The following BCKDHB variants were observed in gnomAD, a reference collection of about 807,000 sequenced individuals.
BCKDHB encodes the protein 2-oxoisovalerate dehydrogenase subunit beta, mitochondrial.
A neutral mutation model predicts 48.5 loss-of-function variants in BCKDHB; 41 were observed. That is an observed-to-expected ratio of 0.85 (90% CI 0.66 to 1.10). BCKDHB has a LOEUF of 1.10. BCKDHB is among the 50% of genes least tolerant of loss of function. BCKDHB has a pLI of 0.00. For synonymous variants in BCKDHB, 201 were observed against 174.8 expected (o/e 1.15, Z -1.18); for missense variants, 496 against 494.2 (o/e 1.00, Z -0.03).
the BCKDHB span, among the ~76,000 whole-genome samples, chr6:80,439,888 G>A: frequency 6.6e-6 from 1 of 152,034 alleles, no homozygotes; most frequent in East Asian, 1.9e-4. Context: ...TTAACTAAAG[G>A]CATACAACAA....
intron 3 of BCKDHB, among the ~76,000 whole-genome samples, chr6:80,164,329 C>G (rs1772468680): frequency 6.6e-6 from 1 of 152,108 alleles, no homozygotes; most frequent in South Asian, 2.1e-4. Context: ...GGTTTTTGTA[C>G]TTGATGGTCG....
intron 8 of BCKDHB, among the ~76,000 whole-genome samples, chr6:80,227,156 A>G (rs2127876385): frequency 6.6e-6 from 1 of 152,338 alleles, no homozygotes; most frequent in South Asian, 2.1e-4. Context: ...CATGCATTTA[A>G]CATGTATTAC....
intron 1 of BCKDHB, among the ~76,000 whole-genome samples, chr6:80,111,277 C>T (rs902199658): frequency 6.6e-6 from 1 of 152,142 alleles, no homozygotes; most frequent in African/African-American, 2.4e-5. Flanking sequence ...CCTGGGGGCT[C>T]CTCAGTAGTA....
At chr6:80,328,721 G>A (rs911605180) in intron 9 of BCKDHB, among the ~76,000 whole-genome samples, 1 of 152,092 alleles carries the variant, frequency 6.6e-6, no homozygotes, top group African/African-American at 2.4e-5. Context: ...ATTACCCCAA[G>A]TTGCTAGGTA....
chr6:80,120,864 T>A (rs866228350), intron 1 of BCKDHB, among the ~76,000 whole-genome samples: 2 of 152,238 alleles, frequency 1.3e-5, no homozygotes, highest in African/African-American at 4.8e-5. Flanking sequence ...CTCTTTAGTT[T>A]AATTAGATCC....
intron 8 of BCKDHB, among the ~76,000 whole-genome samples, chr6:80,252,563 G>A (rs1776877930): frequency 6.6e-6 from 1 of 152,108 alleles, no homozygotes; most frequent in Non-Finnish European, 1.5e-5. Context: ...GAAAAACTTA[G>A]ATTATGTTTA....
the BCKDHB span, among the ~76,000 whole-genome samples, chr6:80,441,959 C>A: frequency 6.6e-6 from 1 of 151,934 alleles, no homozygotes; most frequent in East Asian, 1.9e-4. Flanking sequence ...ATACAAAGAA[C>A]AAATATAGCG....
the BCKDHB span, among the ~76,000 whole-genome samples, chr6:80,354,995 G>C: frequency 3.3e-5 from 5 of 152,000 alleles, no homozygotes; most frequent in Non-Finnish European, 7.4e-5. Flanking sequence ...ACTCTTTTTT[G>C]TTCCATATGA....
At position 80,346,151 on chromosome 6, in the gene BCKDHB, A is replaced by G. The variant is rs1018681992; in HGVS notation, c.*2347A>G. 1.3e-5 allele frequency: 2 copies of G among 152,210 alleles called. No individual in the cohort carries two copies. The highest frequency in any genetic ancestry group is 2.9e-5 in the Non-Finnish European group (2 of 68,030). The allele number at this position is 152,210 out of a possible 1,614,324, so 9.4% of individuals were successfully genotyped here. On this transcript the variant is annotated 3_prime_UTR_variant, in exon 10 of 10. Coordinates refer to ENST00000320393, the MANE Select transcript of BCKDHB (RefSeq NM_183050.4). ...TAACACACATGTATTGATGATTTTC[A>G]TTAAGAGTTTCAGATTAACTTTGAA... is the stretch of plus-strand genomic sequence containing the variant.
chr6:80,124,969 C>G (rs907350464), intron 1 of BCKDHB, among the ~76,000 whole-genome samples: 1 of 152,148 alleles, frequency 6.6e-6, no homozygotes, highest in African/African-American at 2.4e-5. Context: ...TAGCCCCTTA[C>G]AAAAGAGTCC....
chr6:80,114,379 C>T (rs1437152931), intron 1 of BCKDHB, among the ~76,000 whole-genome samples: 1 of 151,748 alleles, frequency 6.6e-6, no homozygotes, highest in Non-Finnish European at 1.5e-5. Context: ...TCCAGGGTAG[C>T]TGGGACTACA....
intron 9 of BCKDHB, among the ~76,000 whole-genome samples, chr6:80,329,101 A>G (rs1769193163): frequency 6.6e-6 from 1 of 152,182 alleles, no homozygotes; most frequent in Admixed American, 6.5e-5. Flanking sequence ...ATATTAGATT[A>G]CTAGAAGAGA....
chr6:80,396,808 GT>G, the BCKDHB span, among the ~76,000 whole-genome samples: 9 of 152,216 alleles, frequency 5.9e-5, 1 homozygote, highest in South Asian at 1.0e-3. Context: ...ATGATTGTAA[GT>G]TTCCTGAGGC....
At chr6:80,274,427 A>T (rs1234111546) in intron 9 of BCKDHB, among the ~76,000 whole-genome samples, 1 of 151,988 alleles carries the variant, frequency 6.6e-6, no homozygotes, top group Non-Finnish European at 1.5e-5. Flanking sequence ...ATGAGTACCT[A>T]GTATTTATTG....
chr6:80,335,637 C>A (rs1769551959), intron 9 of BCKDHB, among the ~76,000 whole-genome samples: 1 of 152,030 alleles, frequency 6.6e-6, no homozygotes, highest in African/African-American at 2.4e-5. Context: ...AAATTTTAGA[C>A]TTTGAACTTT....
chr6:80,170,196 T>A (rs1772833194), intron 5 of BCKDHB, among the ~76,000 whole-genome samples: 1 of 152,052 alleles, frequency 6.6e-6, no homozygotes, highest in Admixed American at 6.6e-5. Flanking sequence ...GAACAGAAAA[T>A]AAAATTTTTT....
At chr6:80,437,953 G>T in the BCKDHB span, among the ~76,000 whole-genome samples, 1 of 152,180 alleles carries the variant, frequency 6.6e-6, no homozygotes, top group Admixed American at 6.5e-5. Flanking sequence ...TAACCTTGGT[G>T]CACTGTCTTC....
the BCKDHB span, among the ~76,000 whole-genome samples, chr6:80,392,913 A>T: frequency 6.9e-6 from 1 of 144,094 alleles, no homozygotes. Context: ...TAAATAACAT[A>T]CTTATGCCGG....
the BCKDHB span, among the ~76,000 whole-genome samples, chr6:80,458,177 T>C: frequency 6.6e-6 from 1 of 152,178 alleles, no homozygotes; most frequent in African/African-American, 2.4e-5. Flanking sequence ...AAGGACTATT[T>C]TGCCAGTCAT....
Sources: allele counts gnomAD v4.1 joint callset (sites outside exome capture counted in the v4.1 genomes callset), GRCh38; gene constraint gnomAD v4.1.1; transcripts MANE v1.5; gene names NCBI Gene and HGNC (gene_info 2026-07-23, HGNC 2026-07-21).